SLC9B1: variants seen among roughly 807,000 people sequenced by gnomAD.
SLC9B1 encodes the protein solute carrier family 9 member B1.
SLC9B1 carries 32 observed loss-of-function variants against 51.7 expected under a neutral mutation model. That is an observed-to-expected ratio of 0.62 (90% CI 0.47 to 0.83). The LOEUF is 0.83. SLC9B1 is among the 40% of genes least tolerant of loss of function. The pLI is 0.00. For missense variants in SLC9B1, 406 were observed against 613.2 expected (o/e 0.66, Z 3.57); for synonymous variants, 145 against 212.7 (o/e 0.68, Z 2.77).
rs1045869632 is a variant in SLC9B1 at position 103,013,733 on chromosome 4, G to A, written c.-2+5866C>T. 1.9e-4 allele frequency among the ~76,000 whole-genome samples: 29 copies of A among 152,212 alleles called. 1 individual carries two copies. In the East Asian group the frequency reaches 5.4e-3, roughly 28 times the overall value. Reference sequence around the variant, plus strand: ...TATCTCAGAGAATGAAGCCACCATCGACCTAGTTGCTCAAAACAGAAACTG... The same window carrying A: ...TATCTCAGAGAATGAAGCCACCATCAACCTAGTTGCTCAAAACAGAAACTG... On this transcript the variant is annotated intron_variant, in intron 1 of 11. Coordinates refer to ENST00000296422, the MANE Select transcript of SLC9B1 (RefSeq NM_139173.4).
intron 1 of SLC9B1, chr4:103,014,883 C>T (rs75723386): frequency 6.6e-6 from 1 of 152,100 alleles, no homozygotes; most frequent in African/African-American, 2.4e-5. Flanking sequence ...ATATGTCCTT[C>T]GTCAAGACCC....
intron 6 of SLC9B1, among the ~76,000 whole-genome samples, chr4:102,944,342 CA>C (rs1358870855): frequency 6.6e-6 from 1 of 152,012 alleles, no homozygotes; most frequent in Non-Finnish European, 1.5e-5. Context: ...GCAATTTATC[CA>C]TATAACAAGC....
Position 102,901,026 on chromosome 4 carries a change from G to T in SLC9B1, c.*91C>A, listed in dbSNP as rs181917195. The T allele has an allele frequency of 1.3e-5, 21 of 1,572,000 alleles. No individual in the cohort carries two copies. In the Admixed American group the frequency reaches 2.1e-4, roughly 16 times the overall value. On this transcript the variant is annotated 3_prime_UTR_variant, in exon 12 of 12. Transcript: ENST00000296422. The stretch of plus-strand genomic sequence containing the variant: ...ATGTTTACTAAATCCTGGATTCTCT[G>T]TACAGTCCCCACATATTTCTACTTT...
chr4:103,008,863 A>G (rs1223181204), intron 1 of SLC9B1, among the ~76,000 whole-genome samples: 1 of 136,656 alleles, frequency 7.3e-6, no homozygotes, highest in South Asian at 2.3e-4. Flanking sequence ...GCAGTGGCGC[A>G]ATCTCGACTC....
At chr4:103,019,276 C>T (rs1741608671) in intron 1 of SLC9B1, among the ~76,000 whole-genome samples, 5 of 152,106 alleles carry the variant, frequency 3.3e-5, no homozygotes. Context: ...ATAGTACACG[C>T]TTAATAAAAT....
chr4:102,999,066 C>T (rs976276425), intron 1 of SLC9B1, among the ~76,000 whole-genome samples: 1 of 152,118 alleles, frequency 6.6e-6, no homozygotes, highest in Admixed American at 6.5e-5. Flanking sequence ...GTAGCCCAGG[C>T]TGGTCTCAAA....
chr4:102,920,681 G>C, intron 7 of SLC9B1, among the ~76,000 whole-genome samples: 1 of 152,170 alleles, frequency 6.6e-6, no homozygotes, highest in East Asian at 1.9e-4. Context: ...TAGATGAATG[G>C]CTTACAAGAA....
intron 11 of SLC9B1, among the ~76,000 whole-genome samples, chr4:102,895,086 A>G (rs1734472222): frequency 6.6e-6 from 1 of 152,220 alleles, no homozygotes; most frequent in South Asian, 2.1e-4. Context: ...TCCAAAAAAA[A>G]GACTATTGAG....
chr4:102,974,026 G>T (rs1323382552), intron 3 of SLC9B1, among the ~76,000 whole-genome samples: 21 of 151,838 alleles, frequency 1.4e-4, no homozygotes, highest in Middle Eastern at 3.4e-3. Flanking sequence ...ACCTGAGGTC[G>T]GGAGTTCAAG....
intron 1 of SLC9B1, among the ~76,000 whole-genome samples, chr4:103,005,660 C>T (rs1377397426): frequency 6.6e-6 from 1 of 152,138 alleles, no homozygotes; most frequent in Non-Finnish European, 1.5e-5. Context: ...ATACATTATT[C>T]TCATCTGCAC....
chr4:102,955,424 CTCTT>C (rs1283929075), intron 3 of SLC9B1, among the ~76,000 whole-genome samples: 2 of 152,104 alleles, frequency 1.3e-5, no homozygotes, highest in African/African-American at 4.8e-5. Context: ...ACTCTCATCT[CTCTT>C]CTCATCCCCA....
rs189705736 is a variant in SLC9B1, at chr4:102,936,835, C to T, written c.654-4536G>A. Among the ~76,000 whole-genome samples, 34 of 152,260 alleles carry T rather than the reference C, an allele frequency of 2.2e-4. No homozygotes were observed. The East Asian group carries it at 6.4e-3, about 29-fold the overall frequency. On this transcript the variant is annotated intron_variant, in intron 6 of 11. Transcript: ENST00000296422. ...AAGTTGGAAAACATATTTGAGGATACTGCCCACAAAAATTTCCCAAATCTT... is the reference window on the plus strand; with the variant it reads ...AAGTTGGAAAACATATTTGAGGATATTGCCCACAAAAATTTCCCAAATCTT...
chr4:102,976,231 C>T (rs892929002), intron 3 of SLC9B1, among the ~76,000 whole-genome samples: 4 of 152,212 alleles, frequency 2.6e-5, no homozygotes, highest in Admixed American at 6.5e-5. Flanking sequence ...TCACCAGTTA[C>T]GGTCGTTTTC....
At chr4:102,985,997 A>G (rs1739597867) in intron 3 of SLC9B1, among the ~76,000 whole-genome samples, 1 of 152,158 alleles carries the variant, frequency 6.6e-6, no homozygotes, top group East Asian at 1.9e-4. Context: ...ACAAATTGTT[A>G]TCTATTAGAT....
intron 11 of SLC9B1, chr4:102,888,414 A>G (rs539109037): frequency 6.6e-6 from 1 of 152,304 alleles, no homozygotes; most frequent in African/African-American, 2.4e-5. Context: ...CGTACACATG[A>G]GTTTCACATC....
At chr4:102,971,732 A>T (rs557620084) in intron 3 of SLC9B1, among the ~76,000 whole-genome samples, 1 of 152,322 alleles carries the variant, frequency 6.6e-6, no homozygotes, top group South Asian at 2.1e-4. Flanking sequence ...CAAAATTGAT[A>T]GACCACTAGC....
At chr4:102,985,857 T>C (rs1467147140) in intron 3 of SLC9B1, among the ~76,000 whole-genome samples, 1 of 152,152 alleles carries the variant, frequency 6.6e-6, no homozygotes, top group Non-Finnish European at 1.5e-5. Context: ...TATATGGCTT[T>C]ATAGGTAGAG....
chr4:102,984,325 A>G (rs1207678339), intron 3 of SLC9B1, among the ~76,000 whole-genome samples: 2 of 152,116 alleles, frequency 1.3e-5, no homozygotes, highest in Non-Finnish European at 2.9e-5. Context: ...TCATGTTGCC[A>G]GGCTGGTCTC....
At chr4:102,927,825 C>G (rs1736263103) in intron 7 of SLC9B1, among the ~76,000 whole-genome samples, 1 of 152,134 alleles carries the variant, frequency 6.6e-6, no homozygotes, top group East Asian at 1.9e-4. Context: ...GTAACCAACC[C>G]AAATGTCCAT....
Sources: gnomAD v4.1 joint callset for allele counts (sites outside exome capture counted in the v4.1 genomes callset) on GRCh38, gnomAD v4.1.1 for gene constraint, MANE v1.5 for transcripts, NCBI Gene and HGNC (gene_info 2026-07-23, HGNC 2026-07-21) for gene names.